Variants in DIS3 observed in about 807,000 individuals in gnomAD.
DIS3 encodes exosome complex exonuclease RRP44.
Under a neutral mutation model 113.0 loss-of-function variants are expected in DIS3, and 103 were observed. That is an observed-to-expected ratio of 0.91 (90% CI 0.78 to 1.07). DIS3 has a LOEUF of 1.07. DIS3 is among the 50% of genes least tolerant of loss of function. The pLI, the probability that DIS3 is intolerant of heterozygous loss-of-function variation, is 0.00. For synonymous variants in DIS3, 402 were observed against 394.3 expected (o/e 1.02, Z -0.23); for missense variants, 1,121 against 1,167.1 (o/e 0.96, Z 0.58).
Position 72,756,529 on chromosome 13 carries a change from C to T in DIS3, c.*3266G>A, listed in dbSNP as rs1566234268. On this transcript the variant is annotated 3_prime_UTR_variant, in exon 21 of 21. Transcript: ENST00000377767. ...TATAACCTGTATTCAAATCCCTACT[C>T]TGTCACTACTTGATCTGGGCTGATA... 6.6e-6 allele frequency: 1 copy of T among 152,182 alleles called. No homozygotes were observed. The highest frequency in any genetic ancestry group is 1.5e-5 in the Non-Finnish European group (1 of 68,038). 9.4% of individuals were successfully genotyped at this position (152,182 alleles called of 1,614,324 possible).
Position 72,753,916 on chromosome 13 carries a change from T to A in DIS3, c.*5879A>T. On this transcript the variant is annotated 3_prime_UTR_variant, in exon 21 of 21. Transcript: ENST00000377767. ...ACAATAGTACTATTGAGAAACTATA[T>A]GAAATTTAAAACACTAAAAGGTAAG... is the stretch of plus-strand genomic sequence containing the variant. The A allele has an allele frequency of 8.0e-7, 1 of 1,253,732 alleles. No individual in the cohort carries two copies. Among genetic ancestry groups the A allele is most frequent in the Non-Finnish European group, 1.1e-6 (1 of 916,164 alleles). The allele number at this position is 1,253,732 out of a possible 1,614,324, so 77.7% of individuals were successfully genotyped here. A position where few individuals can be genotyped will look rare whatever the true frequency, so the allele number is the denominator to read the frequency against.
rs1319145111 is a variant in DIS3 at position 72,775,365 on chromosome 13, T to C, written c.833A>G (p.Gln278Arg). Residue 278 changes from glutamine to arginine, a missense_variant, in exon 6 of 21, where the codon CAG (glutamine) becomes CGG (arginine). Transcript: ENST00000377767. ...DNEENKEIIL[Q>R]GLKHLNRAVH... ...AGCTCTGTTTAAATGTTTAAGTCCCTGTAAGATTATCTGTTTAAAACAACA... is the reference window on the plus strand; with the variant it reads ...AGCTCTGTTTAAATGTTTAAGTCCCCGTAAGATTATCTGTTTAAAACAACA... 1.1e-5 allele frequency: 17 copies of C among 1,601,412 alleles called. No homozygotes were observed. In the East Asian group the frequency reaches 3.1e-4, roughly 30 times the overall value.
In DIS3 at chr13:72,776,499, T is replaced by C. The variant is rs1439470836; in HGVS notation, c.655-407A>G. Among the ~76,000 whole-genome samples, 3 of 152,320 alleles carry C rather than the reference T, an allele frequency of 2.0e-5. No individual in the cohort carries two copies. The East Asian group carries it at 5.8e-4, about 29-fold the overall frequency. The stretch of plus-strand genomic sequence containing the variant: ...CATTTCCTTTTGGTTTCATAAAGTA[T>C]CATAAAGGTAAGAAGGGATGACAGA... On this transcript the variant is annotated intron_variant, in intron 4 of 20. Coordinates refer to ENST00000377767, the MANE Select transcript of DIS3 (RefSeq NM_014953.5).
chr13:72,762,035 C>T lies in DIS3; in HGVS notation c.2230G>A (p.Ala744Thr). The T allele has an allele frequency of 1.2e-6, 2 of 1,614,096 alleles. No individual in the cohort carries two copies. Among genetic ancestry groups the T allele is most frequent in the Non-Finnish European group, 1.7e-6 (2 of 1,180,030 alleles). The change falls in exon 17 of 21, where the codon GCC becomes ACC. Residue 744 changes from alanine to threonine, a missense_variant. Transcript: ENST00000377767. Reference protein sequence around the residue: ...PYLNTLLRILATRCMMQAVYF... With the variant: ...PYLNTLLRILTTRCMMQAVYF... ...ACAGCTTGCATCATACAGCGAGTGG[C>T]TAATATTCTCAACAGAGTGTTTAGA...
chr13:72,762,447 G>A (rs531887128), intron 16 of DIS3, among the ~76,000 whole-genome samples: 1 of 152,156 alleles, frequency 6.6e-6, no homozygotes, highest in Admixed American at 6.5e-5. Context: ...ACAGATTAAG[G>A]CTTGGAGCAG....
chr13:72,755,229 A>G lies in DIS3; in HGVS notation c.*4566T>C, dbSNP rs1240675183. 1 of 1,598,444 alleles carries G rather than the reference A, an allele frequency of 6.3e-7. No individual in the cohort carries two copies. The stretch of plus-strand genomic sequence containing the variant: ...CAGCAGTCCATAGAATGCCTCTGTC[A>G]GAATCAAAGACTAAGCTTAAGAGTT... On this transcript the variant is annotated 3_prime_UTR_variant, in exon 21 of 21. Transcript: ENST00000377767.
At chr13:72,773,578 C>A in intron 8 of DIS3, 106 bp downstream of exon 8, 1 of 1,266,204 alleles carries the variant, frequency 7.9e-7, no homozygotes, top group South Asian at 1.6e-5. Context: ...CTCTAAATTT[C>A]AGTACAAATT....
Position 72,754,072 on chromosome 13 carries a change from G to A in DIS3, c.*5723C>T, listed in dbSNP as rs970315729. On this transcript the variant is annotated 3_prime_UTR_variant, in exon 21 of 21. Coordinates refer to ENST00000377767, the MANE Select transcript of DIS3 (RefSeq NM_014953.5). ...GCATTTACTGAACCTTCCAGGTGGT[G>A]GTTATATATTCATACTTGAAGAAAC... 12 of 334,086 alleles carry A rather than the reference G, an allele frequency of 3.6e-5. No homozygotes were observed. The highest frequency in any genetic ancestry group is 6.4e-5 in the African/African-American group (3 of 46,634). The allele number at this position is 334,086 out of a possible 1,614,324, so 20.7% of individuals were successfully genotyped here.
In DIS3 at chr13:72,777,478, T is replaced by G. The variant is rs1162055532; in HGVS notation, c.596A>C (p.Lys199Thr). The G allele has an allele frequency of 6.2e-7, 1 of 1,614,062 alleles. No individual in the cohort carries two copies. Among genetic ancestry groups the G allele is most frequent in the Admixed American group, 1.7e-5 (1 of 60,022 alleles). The change falls in exon 4 of 21, where the codon AAG (lysine) becomes ACG (threonine). Residue 199 changes from lysine to threonine, a missense_variant. Physicochemically the swap from Lys to Thr is moderately conservative, Grantham distance 78. Around this residue, in one of 3 missense-constraint regions of DIS3, gnomAD observed 861 missense variants for 915.5 expected, o/e 0.94. Coordinates refer to ENST00000377767, the MANE Select transcript of DIS3 (RefSeq NM_014953.5). The stretch of plus-strand genomic sequence containing the variant: ...GAGTTCGGGGTTAGCAGTTAGGCTC[T>G]TTACATATTCTTCACCTGAAAAAAT... ...IPAFTCEEYV[K>T]SLTANPELID...
chr13:72,779,234 C>T (rs1205035553), intron 2 of DIS3, among the ~76,000 whole-genome samples: 1 of 151,758 alleles, frequency 6.6e-6, no homozygotes, highest in African/African-American at 2.4e-5. Flanking sequence ...ATCCTCCCAA[C>T]TCAGCCTCGC....
In DIS3 at chr13:72,754,903, A is replaced by G; in HGVS notation, c.*4892T>C. 2.7e-6 allele frequency: 1 copy of G among 370,114 alleles called. No individual in the cohort carries two copies. The highest frequency in any genetic ancestry group is 4.9e-6 in the Non-Finnish European group (1 of 202,312). The allele number at this position is 370,114 out of a possible 1,614,324, so 22.9% of individuals were successfully genotyped here. ...GCTTTTTAAAATTTTTGGTAGAGACAGGGTCTCACTATGTTGCCAGGGCTA... is the reference window on the plus strand; with the variant it reads ...GCTTTTTAAAATTTTTGGTAGAGACGGGGTCTCACTATGTTGCCAGGGCTA... On this transcript the variant is annotated 3_prime_UTR_variant, in exon 21 of 21. Transcript: ENST00000377767.
rs7984117 is a variant in DIS3, at chr13:72,758,742, T to C, written c.*1053A>G. The stretch of plus-strand genomic sequence containing the variant: ...CTATTTAGTATACCTGCTGATTTAC[T>C]TGGCAGGCTTTTCTCACTATACTGC... On this transcript the variant is annotated 3_prime_UTR_variant, in exon 21 of 21. Transcript: ENST00000377767. 0.081 allele frequency: 16,866 copies of C among 207,310 alleles called. 2,312 individuals carry two copies. Among genetic ancestry groups the C allele is most frequent in the African/African-American group, 0.32 (14,000 of 43,974 alleles). The allele number at this position is 207,310 out of a possible 1,614,324, so 12.8% of individuals were successfully genotyped here. A position where few individuals can be genotyped will look rare whatever the true frequency, so the allele number is the denominator to read the frequency against.
intron 13 of DIS3, among the ~76,000 whole-genome samples, chr13:72,769,562 G>A (rs2138191624): frequency 6.6e-6 from 1 of 150,776 alleles, no homozygotes; most frequent in African/African-American, 2.4e-5. Context: ...GCATAACAGA[G>A]TTAGATAACG....
intron 9 of DIS3, 63 bp from the exon 10 acceptor site, chr13:72,772,338 A>G: frequency 8.1e-7 from 1 of 1,234,462 alleles, no homozygotes. Flanking sequence ...ACATATTAAT[A>G]GCTCTTGTGA....
intron 19 of DIS3, among the ~76,000 whole-genome samples, chr13:72,760,869 A>G (rs897292848): frequency 2.6e-4 from 40 of 152,092 alleles, no homozygotes; most frequent in African/African-American, 9.2e-4. Context: ...TCTAATATAT[A>G]TGTTCATTAA....
chr13:72,763,570 C>T lies in DIS3; in HGVS notation c.2008G>A (p.Ala670Thr). 1 of 1,613,110 alleles carries T rather than the reference C, an allele frequency of 6.2e-7. No individual in the cohort carries two copies. The highest frequency in any genetic ancestry group is 8.5e-7 in the Non-Finnish European group (1 of 1,179,740). The change falls in exon 16 of 21, where the codon GCC becomes ACC. Residue 670 changes from alanine to threonine, a missense_variant. Transcript: ENST00000377767. ...NSMVEEFMLL[A>T]NISVAKKIHE... ...ATTTTTTTTGCAACAGAAATATTGG[C>T]AAGTAACATAAATTCTTCAACCATG...
Position 72,771,932 on chromosome 13 carries a change from T to C in DIS3, c.1504-36A>G, listed in dbSNP as rs757670797. On this transcript the variant is annotated intron_variant, in intron 10 of 20. Coordinates refer to ENST00000377767, the MANE Select transcript of DIS3 (RefSeq NM_014953.5). Reference sequence around the variant, plus strand: ...TAAAAATAAAAGGATGTCAATATGCTTGACTGGGTAAATGTACCTAATGGA... The same window carrying C: ...TAAAAATAAAAGGATGTCAATATGCCTGACTGGGTAAATGTACCTAATGGA... The C allele has an allele frequency of 1.4e-5, 22 of 1,592,436 alleles. 1 individual carries two copies. The South Asian group carries it at 2.5e-4, about 18-fold the overall frequency.
In DIS3 at chr13:72,755,690, GAAATT is replaced by G. The variant is rs1458303871; in HGVS notation, c.*4100_*4104del. ...AAACTAACTTTTCAAAGATACAAAA[GAAATT>G]AAACAGGTTTCCTGAAATTTTAGTT... On this transcript the variant is annotated 3_prime_UTR_variant, in exon 21 of 21. Transcript: ENST00000377767. 7.6e-6 allele frequency: 3 copies of G among 394,654 alleles called. No homozygotes were observed. Among genetic ancestry groups the G allele is most frequent in the Non-Finnish European group, 1.3e-5 (3 of 224,232 alleles). 24.4% of individuals were successfully genotyped at this position (394,654 alleles called of 1,614,324 possible).
rs555958174 is a variant in DIS3 at position 72,771,389 on chromosome 13, C to T, written c.1606-244G>A. ...TCATGCCAATTAATCTAAGTTTAAGCCCTCTACACTAACGACCTAGCTGTC... is the reference window on the plus strand; with the variant it reads ...TCATGCCAATTAATCTAAGTTTAAGTCCTCTACACTAACGACCTAGCTGTC... On this transcript the variant is annotated intron_variant, in intron 11 of 20. Coordinates refer to ENST00000377767, the MANE Select transcript of DIS3 (RefSeq NM_014953.5). 2.6e-5 allele frequency among the ~76,000 whole-genome samples: 4 copies of T among 152,180 alleles called. No homozygotes were observed. In the South Asian group the frequency reaches 8.3e-4, roughly 32 times the overall value.
Sources: allele counts gnomAD v4.1 joint callset (sites outside exome capture counted in the v4.1 genomes callset), GRCh38; gene constraint gnomAD v4.1.1; regional missense constraint gnomAD v4.1.1; transcripts MANE v1.5; gene names NCBI Gene and HGNC (gene_info 2026-07-23, HGNC 2026-07-21).